YY1: variants seen among roughly 807,000 people sequenced by gnomAD.
YY1 encodes YY1 transcription factor, also known as transcriptional repressor protein YY1.
YY1 carries 2 observed loss-of-function variants against 35.6 expected under a neutral mutation model. The ratio of observed to expected loss-of-function variants is 0.06; its 90% CI spans 0.02 to 0.18. The LOEUF (loss-of-function observed/expected upper bound fraction) is 0.18. Among genes scored for constraint, YY1 ranks in the 10% least tolerant of loss-of-function variants. The probability of loss-of-function intolerance (pLI) is 1.00; values close to 1 mark genes in which losing one functional copy is unlikely to be tolerated. For synonymous variants in YY1, 268 were observed against 238.9 expected (o/e 1.12, Z -1.12); for missense variants, 322 against 573.4 (o/e 0.56, Z 4.48).
chr14:100,267,743 C>T (rs571460500), intron 2 of YY1, among the ~76,000 whole-genome samples: 81 of 152,210 alleles, frequency 5.3e-4, no homozygotes, highest in African/African-American at 1.8e-3. Flanking sequence ...AAGATGGTCT[C>T]GATCTCTCGA....
At chr14:100,256,946 T>G (rs1891014248) in intron 1 of YY1, among the ~76,000 whole-genome samples, 1 of 152,080 alleles carries the variant, frequency 6.6e-6, no homozygotes, top group Non-Finnish European at 1.5e-5. Context: ...CTGATATAGG[T>G]CATAAAGTCT....
At chr14:100,258,045 T>A (rs1303906516) in intron 1 of YY1, among the ~76,000 whole-genome samples, 1 of 151,954 alleles carries the variant, frequency 6.6e-6, no homozygotes, top group Non-Finnish European at 1.5e-5. Flanking sequence ...GGTGGGAGGA[T>A]TGCTTGAACC....
intron 2 of YY1, among the ~76,000 whole-genome samples, chr14:100,272,556 A>G (rs1891256899): frequency 6.6e-6 from 1 of 150,860 alleles, no homozygotes; most frequent in Admixed American, 6.6e-5. Context: ...CACAGAATTA[A>G]TTTTTTTTTA....
intron 1 of YY1, among the ~76,000 whole-genome samples, chr14:100,250,707 G>C (rs1338388721): frequency 6.6e-6 from 1 of 152,116 alleles, no homozygotes; most frequent in Admixed American, 6.6e-5. Context: ...TGCTGTCTTA[G>C]AGATGCCTAA....
At chr14:100,241,088 T>C (rs935455779) in intron 1 of YY1, among the ~76,000 whole-genome samples, 8 of 152,242 alleles carry the variant, frequency 5.3e-5, no homozygotes, top group African/African-American at 1.9e-4. Flanking sequence ...AAGGCAATTA[T>C]TAATTCAATG....
Position 100,262,331 on chromosome 14 carries a change from C to T in YY1, c.707C>T (p.Thr236Ile). The change falls in exon 2 of 5, where the codon ACA becomes ATA. Residue 236 changes from threonine to isoleucine, a missense_variant. Physicochemically the swap from Thr to Ile is moderately conservative, Grantham distance 89 (BLOSUM62 -1). This residue lies in a region of YY1 where 152 missense variants were observed against 167.1 expected (regional missense o/e 0.91). Transcript: ENST00000262238. ...GAAAAAAAAGATATTGACCATGAGA[C>T]AGTGGTTGAAGAACAGATCATTGGA... Reference protein sequence around the residue: ...SDEKKDIDHETVVEEQIIGEN... With the variant: ...SDEKKDIDHEIVVEEQIIGEN... 1.2e-6 allele frequency: 2 copies of T among 1,613,954 alleles called. No individual in the cohort carries two copies. Among genetic ancestry groups the T allele is most frequent in the Non-Finnish European group, 1.7e-6 (2 of 1,180,010 alleles).
intron 2 of YY1, among the ~76,000 whole-genome samples, chr14:100,263,495 GT>G (rs1365136767): frequency 6.6e-6 from 1 of 152,100 alleles, no homozygotes; most frequent in East Asian, 1.9e-4. Flanking sequence ...TACTTTTTGT[GT>G]TACTTTCTAG....
intron 1 of YY1, among the ~76,000 whole-genome samples, chr14:100,259,192 TAGA>T (rs1047970746): frequency 2.6e-5 from 4 of 152,182 alleles, no homozygotes; most frequent in South Asian, 2.1e-4. Flanking sequence ...GCATCAAAGG[TAGA>T]AGAAGACTTG....
rs1171014537 is a variant in YY1, at chr14:100,239,320, A to G, written c.76A>G (p.Ile26Val). Residue 26 changes from isoleucine to valine, a missense_variant, in exon 1 of 5, where the codon ATC (isoleucine) becomes GTC (valine). Coordinates refer to ENST00000262238, the MANE Select transcript of YY1 (RefSeq NM_003403.5). ...MPAEIVELHE[I>V]EVETIPVETI... is the part of the protein sequence containing the mutation. Reference sequence around the variant, plus strand: ...GGCCGAGATCGTGGAGCTGCACGAGATCGAGGTGGAGACCATCCCGGTGGA... The same window carrying G: ...GGCCGAGATCGTGGAGCTGCACGAGGTCGAGGTGGAGACCATCCCGGTGGA... The G allele has an allele frequency of 6.2e-7, 1 of 1,604,272 alleles. No homozygotes were observed. The highest frequency in any genetic ancestry group is 8.5e-7 in the Non-Finnish European group (1 of 1,176,200).
chr14:100,248,276 T>C (rs1454649997), intron 1 of YY1, among the ~76,000 whole-genome samples: 1 of 151,758 alleles, frequency 6.6e-6, no homozygotes, highest in African/African-American at 2.4e-5. Flanking sequence ...CCACCACGCC[T>C]GGCTAATTTT....
Position 100,239,401 on chromosome 14 carries a change from GACGGCGGCGGTGGCGACC to G in YY1, c.168_185del (p.Asp58_Gly63del), listed in dbSNP as rs746323472. 9.7e-5 allele frequency: 155 copies of G among 1,597,670 alleles called. No homozygotes were observed. The highest frequency in any genetic ancestry group is 6.5e-4 in the Admixed American group (38 of 58,172). ...GGAGGAGGAGGACGACGACGACGAG[GACGGCGGCGGTGGCGACC>G]ACGGCGGCGGGGGCGGCCACGGGCA... is the stretch of plus-strand genomic sequence containing the variant. On this transcript the variant is annotated inframe_deletion, in exon 1 of 5. Coordinates refer to ENST00000262238, the MANE Select transcript of YY1 (RefSeq NM_003403.5).
At chr14:100,245,892 C>T (rs980354514) in intron 1 of YY1, among the ~76,000 whole-genome samples, 3 of 152,134 alleles carry the variant, frequency 2.0e-5, no homozygotes, top group Admixed American at 6.5e-5. Context: ...CAGACGTGAG[C>T]CACCGCGCCC....
At chr14:100,253,993 A>T (rs201451458) in intron 1 of YY1, among the ~76,000 whole-genome samples, 2 of 151,562 alleles carry the variant, frequency 1.3e-5, no homozygotes, top group East Asian at 3.9e-4. Flanking sequence ...CCACACCTAT[A>T]ATCTTTTTTT....
At position 100,246,783 on chromosome 14, in the gene YY1, C is replaced by T. The variant is rs146691834; in HGVS notation, c.679+6860C>T. 6.0e-3 allele frequency among the ~76,000 whole-genome samples: 912 copies of T among 152,278 alleles called. 4 individuals carry two copies. The highest frequency in any genetic ancestry group is 0.021 in the African/African-American group (852 of 41,544). ...CACCCTCCCTCCCCAGTAGAAACTG[C>T]GCTGTTTATCACTAAGATGCTATAA... On this transcript the variant is annotated intron_variant, in intron 1 of 4. Transcript: ENST00000262238.
intron 1 of YY1, among the ~76,000 whole-genome samples, chr14:100,249,211 C>T (rs1339304009): frequency 1.4e-5 from 2 of 139,636 alleles, no homozygotes; most frequent in African/African-American, 5.3e-5. Context: ...ACCTTCACCT[C>T]CTGGGTTCAA....
In YY1 at chr14:100,239,601, C is replaced by T. The variant is rs776983288; in HGVS notation, c.357C>T (p.Asp119=). ...REEVVGGDDS[D]GLRAEDGFED... ...AGGTGGTGGGCGGCGACGACTCGGA[C>T]GGGCTGCGCGCCGAGGACGGCTTCG... The change falls in exon 1 of 5, where the codon GAC becomes GAT. Residue 119 remains aspartate (D), a synonymous_variant. Coordinates refer to ENST00000262238, the MANE Select transcript of YY1 (RefSeq NM_003403.5). 6.2e-7 allele frequency: 1 copy of T among 1,612,334 alleles called. No individual in the cohort carries two copies.
chr14:100,264,518 C>T (rs574628128), intron 2 of YY1, among the ~76,000 whole-genome samples: 5 of 152,220 alleles, frequency 3.3e-5, no homozygotes, highest in South Asian at 4.1e-4. Context: ...GGAATTAGGG[C>T]GCTTCCAGGG....
rs769149627 is a variant in YY1 at position 100,239,678 on chromosome 14, A to T, written c.434A>T (p.Tyr145Phe). 5 of 1,607,564 alleles carry T rather than the reference A, an allele frequency of 3.1e-6. No individual in the cohort carries two copies. In the South Asian group the frequency reaches 5.5e-5, roughly 18 times the overall value. The change falls in exon 1 of 5, where the codon TAC becomes TTC. Residue 145 changes from tyrosine (Y) to phenylalanine (F), a missense_variant. By Grantham distance (22) the Tyr-to-Phe change is conservative. Transcript: ENST00000262238. ...GCGCCGGCCGGCGGCGACGACGACT[A>T]CATTGAACAAACGCTGGTCACCGTG... ...VPAPAGGDDDYIEQTLVTVAA... is the reference protein window; with the variant it reads ...VPAPAGGDDDFIEQTLVTVAA...
intron 2 of YY1, among the ~76,000 whole-genome samples, chr14:100,268,794 G>C (rs1051992303): frequency 6.6e-6 from 1 of 152,212 alleles, no homozygotes; most frequent in Admixed American, 6.5e-5. Context: ...CAATAGCACA[G>C]ATCAGAGGAT....
Sources: allele counts gnomAD v4.1 joint callset (sites outside exome capture counted in the v4.1 genomes callset), GRCh38; gene constraint gnomAD v4.1.1; regional missense constraint gnomAD v4.1.1; transcripts MANE v1.5; gene names NCBI Gene and HGNC (gene_info 2026-07-23, HGNC 2026-07-21).